AZIN1: variants seen among roughly 807,000 people sequenced by gnomAD.
AZIN1 encodes the protein antizyme inhibitor 1, also known as ornithine decarboxylase antizyme inhibitor.
In AZIN1, 12 loss-of-function variants were observed where a neutral mutation model predicts 47.4. That is an observed-to-expected ratio of 0.25 (90% CI 0.16 to 0.41). The LOEUF is 0.41. Among genes scored for constraint, AZIN1 ranks in the 10% least tolerant of loss-of-function variants. The pLI, the probability that AZIN1 is intolerant of heterozygous loss-of-function variation, is 1.00. For missense variants in AZIN1, 410 were observed against 532.4 expected (o/e 0.77, Z 2.26); for synonymous variants, 155 against 176.3 (o/e 0.88, Z 0.96).
intron 3 of AZIN1, among the ~76,000 whole-genome samples, chr8:102,841,875 C>CCAA (rs1200170310): frequency 6.6e-6 from 1 of 150,682 alleles, no homozygotes; most frequent in East Asian, 1.9e-4. Flanking sequence ...CTTTGGGAGG[C>CCAA]CAAGGTGGGT....
chr8:102,841,038 G>A (rs1586173806), intron 3 of AZIN1, among the ~76,000 whole-genome samples: 1 of 152,170 alleles, frequency 6.6e-6, no homozygotes, highest in Non-Finnish European at 1.5e-5. Context: ...TAGGCATGAT[G>A]TGAGTCTGGA....
At chr8:102,834,084 A>G in intron 8 of AZIN1, 105 bp downstream of exon 8, 1 of 851,322 alleles carries the variant, frequency 1.2e-6, no homozygotes, top group East Asian at 2.5e-5. Context: ...AAGAGATGTT[A>G]TAGGGTTTAG....
intron 5 of AZIN1, 95 bp downstream of exon 5, chr8:102,838,649 G>T: frequency 1.0e-6 from 1 of 965,082 alleles, no homozygotes; most frequent in Non-Finnish European, 1.5e-6. Context: ...ACACATCATT[G>T]CCCTACCACA....
chr8:102,860,218 G>A (rs1813542118), intron 1 of AZIN1, among the ~76,000 whole-genome samples: 1 of 152,208 alleles, frequency 6.6e-6, no homozygotes, highest in African/African-American at 2.4e-5. Context: ...AGCACAGAGA[G>A]GGCTCGGTTG....
In AZIN1 at chr8:102,843,658, C is replaced by T. The variant is rs544886589; in HGVS notation, c.-6G>A. The stretch of plus-strand genomic sequence containing the variant: ...TCATCAATAAATCCTTTCATCTCAG[C>T]CGTATTCCACAAAGCCGAAAGTCAT... On this transcript the variant is annotated 5_prime_UTR_variant, in exon 3 of 12. Transcript: ENST00000337198. 6.2e-7 allele frequency: 1 copy of T among 1,613,868 alleles called. No homozygotes were observed. The highest frequency in any genetic ancestry group is 1.3e-5 in the African/African-American group (1 of 75,028).
chr8:102,844,478 G>GTATCAAGT (rs1812432620), intron 2 of AZIN1, among the ~76,000 whole-genome samples: 1 of 152,154 alleles, frequency 6.6e-6, no homozygotes, highest in Admixed American at 6.5e-5. Context: ...AGTACTAGCT[G>GTATCAAGT]TATCAAGTTA....
intron 3 of AZIN1, among the ~76,000 whole-genome samples, chr8:102,840,327 AC>A (rs1812099173): frequency 6.6e-6 from 1 of 152,212 alleles, no homozygotes; most frequent in African/African-American, 2.4e-5. Flanking sequence ...GACCATCTTC[AC>A]TGGGAAACCT....
intron 2 of AZIN1, among the ~76,000 whole-genome samples, chr8:102,852,520 A>C (rs1490718449): frequency 6.6e-6 from 1 of 152,188 alleles, no homozygotes; most frequent in Admixed American, 6.5e-5. Context: ...AGTTGCAGTG[A>C]GACTGAACCA....
chr8:102,843,802 C>A (rs954268783), intron 2 of AZIN1, 55 bp from the exon 3 acceptor site: 3 of 1,247,272 alleles, frequency 2.4e-6, no homozygotes, highest in Non-Finnish European at 3.1e-6. Context: ...ACATAATGTA[C>A]GAGTCAATGA....
Position 102,826,944 on chromosome 8 carries a change from TA to T in AZIN1, c.*1622del, listed in dbSNP as rs774131877. The T allele has an allele frequency of 1.3e-5, 2 of 152,570 alleles. No homozygotes were observed. Among genetic ancestry groups the T allele is most frequent in the Non-Finnish European group, 2.9e-5 (2 of 68,020 alleles). The allele number at this position is 152,570 out of a possible 1,614,324, so 9.5% of individuals were successfully genotyped here. On this transcript the variant is annotated 3_prime_UTR_variant, in exon 12 of 12. Transcript: ENST00000337198. ...GGGCCCTATATATATATATTTTTAA[TA>T]GAACCCATGAGATTTAAATGGGCAT...
chr8:102,836,593 G>A, intron 5 of AZIN1: 1 of 547,052 alleles, frequency 1.8e-6, no homozygotes, highest in South Asian at 2.6e-5. Context: ...AGCTTACAAG[G>A]ATGGGATTTT....
intron 2 of AZIN1, 113 bp from the exon 3 acceptor site, chr8:102,843,860 A>G: frequency 1.4e-6 from 1 of 734,402 alleles, no homozygotes; most frequent in African/African-American, 1.8e-5. Flanking sequence ...CAATTTTACA[A>G]TTTCAGAAAC....
At chr8:102,831,505 T>C (rs1811458147) in intron 9 of AZIN1, among the ~76,000 whole-genome samples, 1 of 150,394 alleles carries the variant, frequency 6.6e-6, no homozygotes, top group African/African-American at 2.4e-5. Context: ...TAGCCGGGTG[T>C]GGTGGCACGC....
At chr8:102,847,657 C>G (rs1000364238) in intron 2 of AZIN1, among the ~76,000 whole-genome samples, 13 of 151,988 alleles carry the variant, frequency 8.6e-5, no homozygotes, top group Non-Finnish European at 5.9e-5. Flanking sequence ...CTCAACCACT[C>G]AGGCGATCCT....
chr8:102,834,814 T>C, intron 6 of AZIN1, 67 bp from the exon 7 acceptor site: 1 of 1,052,690 alleles, frequency 9.5e-7, no homozygotes, highest in Non-Finnish European at 1.5e-6. Context: ...GTAATTTCTT[T>C]CAACTGTCAC....
intron 1 of AZIN1, among the ~76,000 whole-genome samples, chr8:102,859,872 T>C (rs1196583279): frequency 6.6e-6 from 1 of 152,096 alleles, no homozygotes; most frequent in African/African-American, 2.4e-5. Context: ...GAGCCAGATG[T>C]GACAGTATGC....
At chr8:102,856,613 T>C (rs1240575017) in intron 2 of AZIN1, among the ~76,000 whole-genome samples, 2 of 152,224 alleles carry the variant, frequency 1.3e-5, no homozygotes, top group Non-Finnish European at 2.9e-5. Flanking sequence ...TTTATTACGG[T>C]CTTCCTCAAA....
rs1586146929 is a variant in AZIN1 at position 102,828,442 on chromosome 8, AC to A, written c.*124del. The A allele has an allele frequency of 6.8e-6, 4 of 586,976 alleles. No homozygotes were observed. The East Asian group carries it at 1.2e-4, about 17-fold the overall frequency. The allele number at this position is 586,976 out of a possible 1,614,324, so 36.4% of individuals were successfully genotyped here. ...TTTTGTCTGGTCCCAAATAGCTATTACTAATAGTTTTTGTTGCCAAAAGAAT... is the reference window on the plus strand; with the variant it reads ...TTTTGTCTGGTCCCAAATAGCTATTATAATAGTTTTTGTTGCCAAAAGAAT... On this transcript the variant is annotated 3_prime_UTR_variant, in exon 12 of 12. Coordinates refer to ENST00000337198, the MANE Select transcript of AZIN1 (RefSeq NM_148174.4).
At chr8:102,837,097 T>C (rs139714995) in intron 5 of AZIN1, among the ~76,000 whole-genome samples, 4,848 of 152,188 alleles carry the variant, frequency 0.032, 113 homozygotes, top group Non-Finnish European at 0.046. Context: ...TTTTTTTATT[T>C]TTAGTGGAGA....
Sources: allele counts gnomAD v4.1 joint callset (sites outside exome capture counted in the v4.1 genomes callset), GRCh38; gene constraint gnomAD v4.1.1; transcripts MANE v1.5; gene names NCBI Gene and HGNC (gene_info 2026-07-23, HGNC 2026-07-21).